SMYD3: variants seen among roughly 807,000 people sequenced by gnomAD.
The protein encoded by SMYD3 is SET and MYND domain containing 3.
SMYD3 carries 36 observed loss-of-function variants against 57.7 expected under a neutral mutation model. The observed-to-expected ratio is 0.62, with a 90% CI of 0.48 to 0.82. The LOEUF (loss-of-function observed/expected upper bound fraction) is 0.82, where lower values mean the gene tolerates loss of function less well. SMYD3 is among the 40% of genes least tolerant of loss of function. SMYD3 has a pLI of 0.00. For synonymous variants in SMYD3, 211 were observed against 195.0 expected, an observed-to-expected ratio of 1.08 and a Z score of -0.68; for missense variants, 515 against 538.8, an observed-to-expected ratio of 0.96 and a Z score of 0.44.
intron 5 of SMYD3, among the ~76,000 whole-genome samples, chr1:246,213,800 C>T (rs2063124557): frequency 6.6e-6 from 1 of 152,174 alleles, no homozygotes; most frequent in Non-Finnish European, 1.5e-5. Context: ...TTTAAACTTG[C>T]CTATAAAGAA....
chr1:246,104,334 T>C (rs1176659912), intron 5 of SMYD3, among the ~76,000 whole-genome samples: 1 of 152,230 alleles, frequency 6.6e-6, no homozygotes, highest in African/African-American at 2.4e-5. Flanking sequence ...ACATTTACTG[T>C]GAAACATCCC....
At chr1:246,119,563 C>T (rs2061394271) in intron 5 of SMYD3, among the ~76,000 whole-genome samples, 1 of 152,104 alleles carries the variant, frequency 6.6e-6, no homozygotes, top group Non-Finnish European at 1.5e-5. Context: ...CAGGCATATG[C>T]CACCATGCCT....
At chr1:245,933,749 A>AT (rs2056852193) in intron 5 of SMYD3, among the ~76,000 whole-genome samples, 1 of 152,188 alleles carries the variant, frequency 6.6e-6, no homozygotes, top group East Asian at 1.9e-4. Flanking sequence ...CAAATTTCAT[A>AT]TTTTTCCTGA....
chr1:246,230,901 GATAC>G (rs1178556054), intron 5 of SMYD3, among the ~76,000 whole-genome samples: 1 of 152,176 alleles, frequency 6.6e-6, no homozygotes, highest in Non-Finnish European at 1.5e-5. Flanking sequence ...GTGCAGTTCT[GATAC>G]ATATGTACAG....
At chr1:246,088,620 A>G (rs1299838973) in intron 5 of SMYD3, among the ~76,000 whole-genome samples, 1 of 152,050 alleles carries the variant, frequency 6.6e-6, no homozygotes, top group African/African-American at 2.4e-5. Context: ...AAAGAAAAAA[A>G]AAAGTTAAGA....
intron 5 of SMYD3, among the ~76,000 whole-genome samples, chr1:246,126,928 T>C (rs1032365825): frequency 4.6e-5 from 7 of 152,136 alleles, no homozygotes; most frequent in African/African-American, 1.7e-4. Flanking sequence ...GGCAGTTATA[T>C]TATTAATACA....
At chr1:246,245,905 C>T (rs530028292) in intron 5 of SMYD3, among the ~76,000 whole-genome samples, 1 of 152,280 alleles carries the variant, frequency 6.6e-6, no homozygotes, top group South Asian at 2.1e-4. Context: ...AATACAACCA[C>T]AGATAACACA....
intron 5 of SMYD3, among the ~76,000 whole-genome samples, chr1:245,992,438 T>TC (rs2058828038): frequency 6.6e-6 from 1 of 152,230 alleles, no homozygotes; most frequent in Non-Finnish European, 1.5e-5. Flanking sequence ...ACCATGTTCT[T>TC]CCAAAACATT....
At chr1:245,756,240 C>T (rs1042758337) in intron 11 of SMYD3, among the ~76,000 whole-genome samples, 3 of 150,764 alleles carry the variant, frequency 2.0e-5, no homozygotes, top group African/African-American at 7.3e-5. Flanking sequence ...TCATTTTACC[C>T]ATTGAACTCA....
Position 246,379,002 on chromosome 1 carries a change from T to TC in SMYD3, c.165-23909dup, listed in dbSNP as rs962010405. 2.8e-3 allele frequency among the ~76,000 whole-genome samples: 403 copies of TC among 142,000 alleles called. 4 individuals are homozygous for TC. Among genetic ancestry groups the TC allele is most frequent in the Middle Eastern group, 0.015 (4 of 270 alleles). The allele number at this position is 142,000 out of a possible 152,430, so 93.2% of individuals were successfully genotyped here. On this transcript the variant is annotated intron_variant, in intron 1 of 11. Coordinates refer to ENST00000490107, the MANE Select transcript of SMYD3 (RefSeq NM_001167740.2). ...ATGGCAATAAACTATAACATCTATTTCCCCCCAGAGAAAATGAGAAAGAAA... is the reference window on the plus strand; with the variant it reads ...ATGGCAATAAACTATAACATCTATTTCCCCCCCAGAGAAAATGAGAAAGAAA...
chr1:246,329,590 AGCCCTTT>A (rs1182574132), intron 4 of SMYD3, among the ~76,000 whole-genome samples: 1 of 152,054 alleles, frequency 6.6e-6, no homozygotes, highest in Non-Finnish European at 1.5e-5. Context: ...TCTGGATATT[AGCCCTTT>A]GTCAGATGAG....
At chr1:245,821,361 G>A (rs532398257) in intron 10 of SMYD3, among the ~76,000 whole-genome samples, 8 of 128,574 alleles carry the variant, frequency 6.2e-5, no homozygotes, top group Non-Finnish European at 1.5e-4. Context: ...AGCTGAAACT[G>A]GATCCCTTTC....
At position 245,863,671 on chromosome 1, in the gene SMYD3, T is replaced by C. The variant is rs1290761249; in HGVS notation, c.901+128A>G. ...GGGTCGGAGGTGCGGCCTGTGACCA[T>C]GGAACAGAATGAAAACCACTGGCTC... On this transcript the variant is annotated intron_variant, in intron 9 of 11. Coordinates refer to ENST00000490107, the MANE Select transcript of SMYD3 (RefSeq NM_001167740.2). 1.2e-5 allele frequency: 9 copies of C among 779,244 alleles called. No individual in the cohort carries two copies. In the South Asian group the frequency reaches 1.2e-4, roughly 11 times the overall value. 48.3% of individuals were successfully genotyped at this position (779,244 alleles called of 1,614,324 possible).
intron 5 of SMYD3, among the ~76,000 whole-genome samples, chr1:246,198,054 C>T (rs2062852664): frequency 6.6e-6 from 1 of 152,144 alleles, no homozygotes; most frequent in South Asian, 2.1e-4. Context: ...ATGTGCTTGA[C>T]CTGTACACAG....
intron 8 of SMYD3, among the ~76,000 whole-genome samples, chr1:245,881,710 T>A (rs2052788061): frequency 6.6e-6 from 1 of 152,156 alleles, no homozygotes; most frequent in South Asian, 2.1e-4. Context: ...GCTAGTGCAA[T>A]CATGGAAATA....
chr1:245,824,258 C>G (rs915471387), intron 10 of SMYD3, among the ~76,000 whole-genome samples: 4 of 152,192 alleles, frequency 2.6e-5, no homozygotes, highest in African/African-American at 9.7e-5. Flanking sequence ...GCCATTTAGG[C>G]AAATGACACG....
chr1:245,780,719 CA>C (rs1299920475), intron 10 of SMYD3, among the ~76,000 whole-genome samples: 1 of 152,230 alleles, frequency 6.6e-6, no homozygotes, highest in East Asian at 1.9e-4. Flanking sequence ...AAAGATTAAA[CA>C]TTATGCCCCT....
At chr1:246,210,602 C>T (rs2063069910) in intron 5 of SMYD3, among the ~76,000 whole-genome samples, 1 of 151,660 alleles carries the variant, frequency 6.6e-6, no homozygotes. Context: ...CTCAGCTACT[C>T]AGGAGGCTGA....
rs72475068 is a variant in SMYD3, at chr1:246,172,782, A to C, written c.531+154419T>G. On this transcript the variant is annotated intron_variant, in intron 5 of 11. Transcript: ENST00000490107. ...GAACACTCACTGTACTCTACTGTAG[A>C]CTTTATCAACACTGTACACTTAGGC... 2.7e-4 allele frequency among the ~76,000 whole-genome samples: 40 copies of C among 149,690 alleles called. No homozygotes were observed. In the East Asian group the frequency reaches 7.1e-3, roughly 27 times the overall value.
Sources: allele counts gnomAD v4.1 joint callset (sites outside exome capture counted in the v4.1 genomes callset), GRCh38; gene constraint gnomAD v4.1.1; transcripts MANE v1.5; gene names NCBI Gene and HGNC (gene_info 2026-07-23, HGNC 2026-07-21).